The following TENM2 variants were observed in gnomAD, a reference collection of about 807,000 sequenced individuals.
TENM2 encodes teneurin-2.
TENM2 carries 52 observed loss-of-function variants against 245.2 expected under a neutral mutation model. That is an observed-to-expected ratio of 0.21 (90% CI 0.17 to 0.27). TENM2 has a LOEUF of 0.27. Ranked by LOEUF, TENM2 falls within the 10% of genes least tolerant of loss-of-function variation. The pLI, the probability that TENM2 is intolerant of heterozygous loss-of-function variation, is 1.00. For synonymous variants in TENM2, 1,363 were observed against 1,438.9 expected, an observed-to-expected ratio of 0.95 and a Z score of 1.19; for missense variants, 3,046 against 3,666.8, an observed-to-expected ratio of 0.83 and a Z score of 4.37.
intron 2 of TENM2, among the ~76,000 whole-genome samples, chr5:167,514,407 A>T (rs999624): frequency 0.4 from 60,706 of 151,964 alleles, 13,992 homozygotes; most frequent in Non-Finnish European, 0.53. Context: ...GGACATGGCT[A>T]TGACAGTCAT....
chr5:167,923,336 A>G (rs1440990813), intron 3 of TENM2, among the ~76,000 whole-genome samples: 1 of 149,578 alleles, frequency 6.7e-6, no homozygotes, highest in African/African-American at 2.5e-5. Flanking sequence ...AAAAAAAAAA[A>G]GCCATGGGAA....
At chr5:167,782,310 TCTCA>T (rs1561775557) in intron 2 of TENM2, among the ~76,000 whole-genome samples, 1 of 78,134 alleles carries the variant, frequency 1.3e-5, no homozygotes, top group African/African-American at 6.9e-5. Flanking sequence ...CAAAACTCTG[TCTCA>T]AAAAAAAAAA....
chr5:167,890,643 C>G (rs1485711058), intron 3 of TENM2, among the ~76,000 whole-genome samples: 1 of 152,122 alleles, frequency 6.6e-6, no homozygotes, highest in Non-Finnish European at 1.5e-5. Context: ...TATGTCATGG[C>G]CACAAATCAC....
At chr5:167,645,972 G>A (rs1418781557) in intron 2 of TENM2, among the ~76,000 whole-genome samples, 1 of 151,208 alleles carries the variant, frequency 6.6e-6, no homozygotes, top group Non-Finnish European at 1.5e-5. Context: ...AATAAAATGA[G>A]AATAAATATG....
chr5:168,134,876 G>A (rs1054016378), intron 12 of TENM2, among the ~76,000 whole-genome samples: 14 of 152,104 alleles, frequency 9.2e-5, no homozygotes, highest in Admixed American at 8.5e-4. Context: ...TCTCTTACCC[G>A]GAATGGAACC....
At chr5:167,231,029 C>G in the TENM2 span, among the ~76,000 whole-genome samples, 1 of 152,168 alleles carries the variant, frequency 6.6e-6, no homozygotes, top group African/African-American at 2.4e-5. Flanking sequence ...TGCACTCATT[C>G]TCTCTCCTGC....
At chr5:167,104,810 C>A in the TENM2 span, among the ~76,000 whole-genome samples, 1 of 152,018 alleles carries the variant, frequency 6.6e-6, no homozygotes, top group Non-Finnish European at 1.5e-5. Context: ...TAGAACTCCA[C>A]CATTTAAAAA....
intron 2 of TENM2, among the ~76,000 whole-genome samples, chr5:167,690,867 G>A (rs1431302014): frequency 1.3e-5 from 2 of 150,804 alleles, no homozygotes; most frequent in East Asian, 1.9e-4. Context: ...ATATATGTAT[G>A]TACGTATATA....
At chr5:167,243,304 T>C in the TENM2 span, among the ~76,000 whole-genome samples, 1 of 152,184 alleles carries the variant, frequency 6.6e-6, no homozygotes, top group African/African-American at 2.4e-5. Flanking sequence ...ATCCCTATCA[T>C]TGTTTATCTG....
intron 2 of TENM2, among the ~76,000 whole-genome samples, chr5:167,605,396 A>G (rs1218350683): frequency 6.6e-6 from 1 of 152,206 alleles, no homozygotes; most frequent in Non-Finnish European, 1.5e-5. Context: ...GATGTTGAGC[A>G]CGCTATGACC....
chr5:167,541,460 A>G (rs779373994), intron 2 of TENM2, among the ~76,000 whole-genome samples: 7 of 152,170 alleles, frequency 4.6e-5, no homozygotes, highest in African/African-American at 1.2e-4. Flanking sequence ...TTTGGAGTAA[A>G]TTAAAAACTT....
At chr5:167,237,212 T>C in the TENM2 span, among the ~76,000 whole-genome samples, 1 of 152,230 alleles carries the variant, frequency 6.6e-6, no homozygotes, top group Non-Finnish European at 1.5e-5. Flanking sequence ...TATTACTTCA[T>C]GACCCTTATC....
chr5:168,098,657 A>G (rs901277033), intron 9 of TENM2, among the ~76,000 whole-genome samples: 1 of 152,216 alleles, frequency 6.6e-6, no homozygotes, highest in African/African-American at 2.4e-5. Context: ...GCTTCTCACA[A>G]GAACAGAGAA....
intron 5 of TENM2, among the ~76,000 whole-genome samples, chr5:168,023,460 G>A (rs538915275): frequency 6.6e-6 from 1 of 152,284 alleles, no homozygotes; most frequent in South Asian, 2.1e-4. Context: ...CTGACTTGCA[G>A]AGCAGGGCTG....
At chr5:167,323,043 A>G (rs895267635) in intron 1 of TENM2, among the ~76,000 whole-genome samples, 5 of 152,360 alleles carry the variant, frequency 3.3e-5, no homozygotes, top group Admixed American at 2.6e-4. Flanking sequence ...CTGGCCCTGC[A>G]CCTTTAACCA....
At chr5:167,109,452 C>T in the TENM2 span, among the ~76,000 whole-genome samples, 1 of 151,884 alleles carries the variant, frequency 6.6e-6, no homozygotes, top group Non-Finnish European at 1.5e-5. Context: ...TTTAAAATAT[C>T]CTCAGCATTA....
At chr5:168,227,154 G>GTATC (rs753165190) in intron 24 of TENM2, among the ~76,000 whole-genome samples, 12 of 152,042 alleles carry the variant, frequency 7.9e-5, no homozygotes, top group African/African-American at 1.2e-4. Context: ...AGGAAGCAGT[G>GTATC]TATCTGTAAA....
intron 3 of TENM2, among the ~76,000 whole-genome samples, chr5:167,904,499 T>A (rs985425209): frequency 6.6e-6 from 1 of 152,162 alleles, no homozygotes; most frequent in African/African-American, 2.4e-5. Flanking sequence ...GTAATATTAT[T>A]TCACAATAAC....
intron 2 of TENM2, among the ~76,000 whole-genome samples, chr5:167,519,742 A>G (rs1476263190): frequency 1.3e-5 from 2 of 152,180 alleles, no homozygotes; most frequent in East Asian, 1.9e-4. Flanking sequence ...AATTGAATTC[A>G]TTATTTCTTA....
Sources: allele counts gnomAD v4.1 joint callset (sites outside exome capture counted in the v4.1 genomes callset), GRCh38; gene constraint gnomAD v4.1.1; transcripts MANE v1.5; gene names NCBI Gene and HGNC (gene_info 2026-07-23, HGNC 2026-07-21).